GPI: variants seen among roughly 807,000 people sequenced by gnomAD.
GPI encodes the protein glucose-6-phosphate isomerase, also known as D-hexose-6-phosphate anomerase.
A neutral mutation model predicts 75.8 loss-of-function variants in GPI; 56 were observed. That is an observed-to-expected ratio of 0.74 (90% CI 0.60 to 0.92). The LOEUF (loss-of-function observed/expected upper bound fraction) is 0.92, where lower values mean the gene tolerates loss of function less well. GPI is among the 40% of genes least tolerant of loss of function. GPI has a pLI of 0.00. For synonymous variants in GPI, 288 were observed against 285.4 expected, an observed-to-expected ratio of 1.01 and a Z score of -0.09; for missense variants, 638 against 741.0, an observed-to-expected ratio of 0.86 and a Z score of 1.61.
Position 34,399,812 on chromosome 19 carries a change from G to T in GPI, c.1541+27G>T, listed in dbSNP as rs768137591. ...TGAGTTGCTCACTTAGGGGAGGGCC[G>T]GGAATACCTTTGTGTCGGCTCAGGG... On this transcript the variant is annotated intron_variant, in intron 17 of 17. Transcript: ENST00000356487. 7 of 1,612,970 alleles carry T rather than the reference G, an allele frequency of 4.3e-6. No individual in the cohort carries two copies. In the Admixed American group the frequency reaches 8.3e-5, roughly 19 times the overall value.
chr19:34,399,603 C>G lies in GPI; in HGVS notation c.1446C>G (p.Leu482=). The change falls in exon 16 of 18, where the codon CTC becomes CTG. Residue 482 remains leucine, a synonymous_variant. Coordinates refer to ENST00000356487, the MANE Select transcript of GPI (RefSeq NM_000175.5). The part of the protein sequence containing the change: ...RPTNSIVFTK[L]TPFMLGALVA... ...CCAACTCTATTGTGTTCACCAAGCT[C>G]ACACCATTCATGCTTGGAGCCTTGG... 6.2e-7 allele frequency: 1 copy of G among 1,614,166 alleles called. No individual in the cohort carries two copies. Among genetic ancestry groups the G allele is most frequent in the Non-Finnish European group, 8.5e-7 (1 of 1,180,028 alleles).
intron 9 of GPI, among the ~76,000 whole-genome samples, chr19:34,385,470 T>C (rs2074721452): frequency 6.6e-6 from 1 of 151,972 alleles, no homozygotes; most frequent in African/African-American, 2.4e-5. Context: ...TTGAGTTTCT[T>C]GGGTGAGGTC....
chr19:34,381,347 C>A, intron 8 of GPI, 119 bp from the exon 9 acceptor site: 1 of 787,744 alleles, frequency 1.3e-6, no homozygotes, highest in Non-Finnish European at 2.3e-6. Context: ...CCATCCCTGG[C>A]TCTGGGGAAG....
At chr19:34,374,487 C>A (rs959519866) in intron 4 of GPI, among the ~76,000 whole-genome samples, 3 of 152,160 alleles carry the variant, frequency 2.0e-5, no homozygotes, top group Admixed American at 2.0e-4. Context: ...TCACTTTCTC[C>A]TAAGTCCATA....
chr19:34,399,692 G>T, intron 16 of GPI, 27 bp from the exon 17 acceptor site: 1 of 1,613,758 alleles, frequency 6.2e-7, no homozygotes, highest in Non-Finnish European at 8.5e-7. Flanking sequence ...GTGGAGCCCT[G>T]ATGTGCCCTG....
At position 34,373,529 on chromosome 19, in the gene GPI, C is replaced by A. The variant is rs558499351; in HGVS notation, c.403-3974C>A. On this transcript the variant is annotated intron_variant, in intron 4 of 17. Coordinates refer to ENST00000356487, the MANE Select transcript of GPI (RefSeq NM_000175.5). ...CTGAGATAGCACCACTGCATGCCAG[C>A]CTGGGTGACAGAGCAAGATTCCATC... 8.7e-4 allele frequency among the ~76,000 whole-genome samples: 130 copies of A among 149,746 alleles called. 1 individual carries two copies. The highest frequency in any genetic ancestry group is 3.5e-3 in the Middle Eastern group (1 of 286).
At chr19:34,366,679 G>C in intron 2 of GPI, 104 bp from the exon 3 acceptor site, 2 of 836,350 alleles carry the variant, frequency 2.4e-6, no homozygotes, top group Non-Finnish European at 4.2e-6. Context: ...GACAGCAGCC[G>C]TCTGTCTGTC....
rs532454696 is a variant in GPI, at chr19:34,393,039, G to A, written c.805-209G>A. 1 of 622,770 alleles carries A rather than the reference G, an allele frequency of 1.6e-6. No homozygotes were observed. The highest frequency in any genetic ancestry group is 1.8e-5 in the African/African-American group (1 of 55,236). The allele number at this position is 622,770 out of a possible 1,614,324, so 38.6% of individuals were successfully genotyped here. On this transcript the variant is annotated intron_variant, in intron 9 of 17. Coordinates refer to ENST00000356487, the MANE Select transcript of GPI (RefSeq NM_000175.5). The surrounding 1 kb of genome is among the most constrained non-coding windows in gnomAD (Gnocchi z 4.4). The stretch of plus-strand genomic sequence containing the variant: ...AAGACCACGGTAAGCTCTTCAGTTT[G>A]TCTTGTGGCTGTGGTCAGTCATCTG...
rs543867250 is a variant in GPI, at chr19:34,377,979, G to A, written c.633+98G>A. 8 of 1,284,046 alleles carry A rather than the reference G, an allele frequency of 6.2e-6. No homozygotes were observed. The Admixed American group carries it at 1.2e-4, about 19-fold the overall frequency. 79.5% of individuals were successfully genotyped at this position (1,284,046 alleles called of 1,614,324 possible). ...TCCCCCTGGCCATTGGTCCCTTTTGGTGGGTTCCGAGTGAACCATGGTTTG... is the reference window on the plus strand; with the variant it reads ...TCCCCCTGGCCATTGGTCCCTTTTGATGGGTTCCGAGTGAACCATGGTTTG... On this transcript the variant is annotated intron_variant, in intron 6 of 17. Transcript: ENST00000356487.
rs781164783 is a variant in GPI at position 34,365,215 on chromosome 19, C to G, written c.-52C>G. 1.4e-6 allele frequency: 2 copies of G among 1,417,120 alleles called. No homozygotes were observed. The highest frequency in any genetic ancestry group is 3.3e-5 in the South Asian group (2 of 61,038). 87.8% of individuals were successfully genotyped at this position (1,417,120 alleles called of 1,614,324 possible). ...CGCCTCGCTTGCTGCGCGCTGCCGG[C>G]GCTCCTTCCTCCTCGGCTCGCGTCT... On this transcript the variant is annotated 5_prime_UTR_variant, in exon 1 of 18. Transcript: ENST00000356487.
chr19:34,382,627 CTTGGGATCTGGAGCCTGAGCAGG>C (rs1335925949), intron 9 of GPI, among the ~76,000 whole-genome samples: 1 of 152,106 alleles, frequency 6.6e-6, no homozygotes, highest in East Asian at 1.9e-4. Flanking sequence ...CCACCTCCTC[CTTGGGATCTGGAGCCTGAGCAGG>C]TGGTGGGCAG....
Position 34,399,295 on chromosome 19 carries a change from G to T in GPI, c.1358G>T (p.Gly453Val). 1 of 1,614,120 alleles carries T rather than the reference G, an allele frequency of 6.2e-7. No homozygotes were observed. Among genetic ancestry groups the T allele is most frequent in the Admixed American group, 1.7e-5 (1 of 60,024 alleles). The change falls in exon 15 of 18, where the codon GGC becomes GTC. Residue 453 changes from glycine (G) to valine (V), a missense_variant. Physicochemically the swap from Gly to Val is moderately radical, Grantham distance 109. Coordinates refer to ENST00000356487, the MANE Select transcript of GPI (RefSeq NM_000175.5). ...GCCCGAAAGGAGCTCCAGGCTGCGG[G>T]CAAGAGTCCAGAGGACCTTGAGAGG... is the stretch of plus-strand genomic sequence containing the variant. ...EEARKELQAA[G>V]KSPEDLERLL...
intron 9 of GPI, among the ~76,000 whole-genome samples, chr19:34,391,547 G>C: frequency 1.3e-5 from 2 of 152,014 alleles, no homozygotes; most frequent in African/African-American, 4.8e-5. Flanking sequence ...TGAGGAGGTA[G>C]GATCTGGCCC....
chr19:34,396,150 C>A, intron 12 of GPI, 151 bp from the exon 13 acceptor site: 1 of 739,068 alleles, frequency 1.4e-6, no homozygotes, highest in Non-Finnish European at 2.3e-6. Context: ...GTTAATCAGG[C>A]TGGTCTCAAA....
chr19:34,364,470 A>C (rs1486633859), upstream of GPI, among the ~76,000 whole-genome samples: 3 of 150,520 alleles, frequency 2.0e-5, no homozygotes, highest in Non-Finnish European at 4.4e-5. Context: ...TCCCAGGTTC[A>C]AGTGATTATC....
At chr19:34,399,109 G>C (rs537813886) in intron 14 of GPI, 98 bp from the exon 15 acceptor site, 1 of 1,202,874 alleles carries the variant, frequency 8.3e-7, no homozygotes, top group East Asian at 2.4e-5. Flanking sequence ...AGTGACCCAG[G>C]CTGGGACTGA....
Position 34,393,415 on chromosome 19 carries a change from C to T in GPI, c.865+107C>T. The T allele has an allele frequency of 1.1e-6, 1 of 905,300 alleles. No homozygotes were observed. The highest frequency in any genetic ancestry group is 1.9e-6 in the Non-Finnish European group (1 of 535,842). The allele number at this position is 905,300 out of a possible 1,614,324, so 56.1% of individuals were successfully genotyped here. On this transcript the variant is annotated intron_variant, in intron 10 of 17. Coordinates refer to ENST00000356487, the MANE Select transcript of GPI (RefSeq NM_000175.5). The surrounding 1 kb of genome is among the most constrained non-coding windows in gnomAD (Gnocchi z 4.4). ...AACATCATGCTGTCCTCACAGGCTG[C>T]TGGCCTCTCTGCAGCTGGCTGGGAT...
At chr19:34,366,966 A>G (rs1316724339) in intron 3 of GPI, 115 bp downstream of exon 3, 1 of 850,316 alleles carries the variant, frequency 1.2e-6, no homozygotes, top group Non-Finnish European at 2.0e-6. Context: ...GCTTTTGCTT[A>G]ATGAGGGGCC....
chr19:34,364,039 CTTTTT>C (rs912203194), upstream of GPI, among the ~76,000 whole-genome samples: 1 of 151,722 alleles, frequency 6.6e-6, no homozygotes, highest in African/African-American at 2.4e-5. Flanking sequence ...CTTTTCTTTT[CTTTTT>C]TTTAAGACAA....
Sources: allele counts gnomAD v4.1 joint callset (sites outside exome capture counted in the v4.1 genomes callset), GRCh38; gene constraint gnomAD v4.1.1; non-coding constraint Gnocchi (gnomAD v3.1); transcripts MANE v1.5; gene names NCBI Gene and HGNC (gene_info 2026-07-23, HGNC 2026-07-21).